TPST1: variants seen among roughly 807,000 people sequenced by gnomAD.
TPST1 encodes the protein tyrosylprotein sulfotransferase 1, also known as protein-tyrosine sulfotransferase 1.
Under a neutral mutation model 34.8 loss-of-function variants are expected in TPST1, and 20 were observed. The ratio of observed to expected loss-of-function variants is 0.57; its 90% CI spans 0.40 to 0.84. The LOEUF (loss-of-function observed/expected upper bound fraction) is 0.84, where lower values mean the gene tolerates loss of function less well. TPST1 is among the 40% of genes least tolerant of loss of function. The pLI is 0.00. For synonymous variants in TPST1, 152 were observed against 159.4 expected (o/e 0.95, Z 0.35); for missense variants, 353 against 455.5 (o/e 0.78, Z 2.05).
chr7:66,340,037 T>C (rs565364076), intron 3 of TPST1, among the ~76,000 whole-genome samples: 27 of 152,120 alleles, frequency 1.8e-4, no homozygotes, highest in African/African-American at 5.8e-4. Flanking sequence ...ACAAACGGTA[T>C]AGAAGGAACA....
chr7:66,330,989 T>C (rs1791985299), intron 3 of TPST1, among the ~76,000 whole-genome samples: 2 of 152,232 alleles, frequency 1.3e-5, no homozygotes. Flanking sequence ...GCTCAGGATC[T>C]TTCATGAAGT....
At chr7:66,210,800 A>G (rs1160830308) in intron 1 of TPST1, among the ~76,000 whole-genome samples, 2 of 152,092 alleles carry the variant, frequency 1.3e-5, no homozygotes, top group Non-Finnish European at 1.5e-5. Context: ...CCCTGTCTCT[A>G]CAAAATAGGA....
At position 66,332,445 on chromosome 7, in the gene TPST1, T is replaced by C. The variant is rs1792015888; in HGVS notation, c.1045-20060T>C. Among the ~76,000 whole-genome samples, 1 of 152,088 alleles carries C rather than the reference T, an allele frequency of 6.6e-6. No individual in the cohort carries two copies. Among genetic ancestry groups the C allele is most frequent in the South Asian group, 2.1e-4 (1 of 4,820 alleles). ...ACCAAGCCCAGCTAATTTTTTGTAT[T>C]TTTAATAGAGATGGGGTTTCACCAT... On this transcript the variant is annotated intron_variant, in intron 3 of 5. Transcript: ENST00000304842. This position sits in a 1 kb window ranked among gnomAD's most constrained non-coding sequence, Gnocchi z 4.5.
At chr7:66,354,508 G>A (rs1488970118) in intron 4 of TPST1, among the ~76,000 whole-genome samples, 1 of 122,366 alleles carries the variant, frequency 8.2e-6, no homozygotes, top group Non-Finnish European at 1.6e-5. Context: ...GGGTGACAGA[G>A]CGAGAGTCTG....
intron 2 of TPST1, among the ~76,000 whole-genome samples, chr7:66,247,477 C>G (rs1021868527): frequency 1.5e-4 from 23 of 152,038 alleles, no homozygotes; most frequent in African/African-American, 5.6e-4. Flanking sequence ...GGTGCCTAAC[C>G]CAGTCTGAGG....
chr7:66,230,500 G>A (rs565089193), intron 1 of TPST1, among the ~76,000 whole-genome samples: 1 of 152,252 alleles, frequency 6.6e-6, no homozygotes, highest in African/African-American at 2.4e-5. Context: ...GGTCTCGCTG[G>A]CTCAGGAGTG....
intron 3 of TPST1, among the ~76,000 whole-genome samples, chr7:66,329,307 T>C (rs919459182): frequency 2.6e-5 from 4 of 152,144 alleles, no homozygotes; most frequent in African/African-American, 9.7e-5. Context: ...TTTTTTCCAA[T>C]TTTTTATAGA....
chr7:66,248,267 T>G (rs1446944299), intron 2 of TPST1, among the ~76,000 whole-genome samples: 1 of 152,146 alleles, frequency 6.6e-6, no homozygotes, highest in Non-Finnish European at 1.5e-5. Flanking sequence ...GCACCCTTTT[T>G]TTCAAGTGAA....
chr7:66,233,837 C>G (rs1277471223), intron 1 of TPST1, among the ~76,000 whole-genome samples: 5 of 152,192 alleles, frequency 3.3e-5, no homozygotes, highest in African/African-American at 1.2e-4. Flanking sequence ...TGGTCACTGC[C>G]TTGCAGCTTC....
chr7:66,253,241 G>A (rs1314199061), intron 2 of TPST1, among the ~76,000 whole-genome samples: 1 of 152,106 alleles, frequency 6.6e-6, no homozygotes, highest in Non-Finnish European at 1.5e-5. Context: ...TGAGAGATTT[G>A]GGCATCTGTG....
chr7:66,236,992 T>C (rs1238837865), intron 1 of TPST1, among the ~76,000 whole-genome samples: 1 of 152,150 alleles, frequency 6.6e-6, no homozygotes, highest in African/African-American at 2.4e-5. Flanking sequence ...AAGTTTAGGC[T>C]TTTTCAGATC....
intron 3 of TPST1, among the ~76,000 whole-genome samples, chr7:66,312,470 T>C (rs1179751527): frequency 6.6e-6 from 1 of 152,208 alleles, no homozygotes; most frequent in Non-Finnish European, 1.5e-5. Flanking sequence ...TTTTACCCCA[T>C]GCTCTAATTC....
intron 2 of TPST1, among the ~76,000 whole-genome samples, chr7:66,264,895 TAAAC>T (rs1178751195): frequency 8.5e-5 from 13 of 152,118 alleles, no homozygotes; most frequent in African/African-American, 3.1e-4. Context: ...AACCATATCT[TAAAC>T]AAAACAAAAC....
At chr7:66,319,132 G>T (rs998295342) in intron 3 of TPST1, among the ~76,000 whole-genome samples, 3 of 151,426 alleles carry the variant, frequency 2.0e-5, no homozygotes, top group Non-Finnish European at 4.4e-5. Flanking sequence ...TAAAATTCTC[G>T]ACCATTTTTC....
intron 3 of TPST1, among the ~76,000 whole-genome samples, chr7:66,331,517 A>C (rs1029229395): frequency 2.6e-5 from 4 of 152,238 alleles, no homozygotes; most frequent in African/African-American, 9.6e-5. Context: ...CCAAATCTTA[A>C]TAATTTGGAG....
At chr7:66,228,844 C>G (rs889755281) in intron 1 of TPST1, among the ~76,000 whole-genome samples, 11 of 152,134 alleles carry the variant, frequency 7.2e-5, no homozygotes, top group Non-Finnish European at 8.8e-5. Flanking sequence ...TGGTTCTCTC[C>G]TGCCATCTGT....
chr7:66,253,662 C>T (rs1404376430), intron 2 of TPST1, among the ~76,000 whole-genome samples: 4 of 151,862 alleles, frequency 2.6e-5, no homozygotes, highest in African/African-American at 4.8e-5. Context: ...TGAGCCACTG[C>T]ACCCAGTCAA....
intron 3 of TPST1, among the ~76,000 whole-genome samples, chr7:66,351,001 A>G (rs752063199): frequency 6.6e-5 from 10 of 152,214 alleles, no homozygotes; most frequent in African/African-American, 1.4e-4. Flanking sequence ...ATGTGTTCAC[A>G]AAATGAACAC....
At chr7:66,349,349 T>C (rs1792422353) in intron 3 of TPST1, among the ~76,000 whole-genome samples, 2 of 152,182 alleles carry the variant, frequency 1.3e-5, no homozygotes, top group African/African-American at 4.8e-5. Flanking sequence ...GGCAGGCGGA[T>C]CACCTGAGGT....
Sources: allele counts gnomAD v4.1 joint callset (sites outside exome capture counted in the v4.1 genomes callset), GRCh38; gene constraint gnomAD v4.1.1; non-coding constraint Gnocchi (gnomAD v3.1); transcripts MANE v1.5; gene names NCBI Gene and HGNC (gene_info 2026-07-23, HGNC 2026-07-21).